Variants in SH3D19 observed in about 807,000 individuals in gnomAD.
SH3D19 encodes the protein SH3 domain-containing protein 19.
In SH3D19, 58 loss-of-function variants were observed where a neutral mutation model predicts 112.1. The ratio of observed to expected loss-of-function variants is 0.52; its 90% CI spans 0.42 to 0.64. The LOEUF is 0.64. SH3D19 is among the 30% of genes least tolerant of loss of function. The pLI is 0.00. For synonymous variants in SH3D19, 391 were observed against 448.5 expected, an observed-to-expected ratio of 0.87 and a Z score of 1.62; for missense variants, 1,090 against 1,263.4, an observed-to-expected ratio of 0.86 and a Z score of 2.08.
At chr4:151,219,072 G>T (rs1419095630) in intron 2 of SH3D19, among the ~76,000 whole-genome samples, 2 of 152,024 alleles carry the variant, frequency 1.3e-5, no homozygotes, top group Non-Finnish European at 2.9e-5. Context: ...ATTCAAACAG[G>T]GCTACTCTGA....
intron 1 of SH3D19, among the ~76,000 whole-genome samples, chr4:151,245,731 A>T (rs1056721931): frequency 4.6e-5 from 7 of 152,182 alleles, no homozygotes; most frequent in Non-Finnish European, 7.3e-5. Context: ...CCTCCTGAGT[A>T]GCTGGGATTA....
In SH3D19 at chr4:151,143,996, G is replaced by T. The variant is rs750099963; in HGVS notation, c.2137C>A (p.Gln713Lys). Residue 713 changes from glutamine (Q) to lysine (K), a missense_variant, in exon 12 of 20, where the codon CAA (glutamine) becomes AAA (lysine). Transcript: ENST00000604030. The stretch of plus-strand genomic sequence containing the variant: ...ACTCTGCCAGTGTCTTCTCCCTTTT[G>T]GCACTCCAAGTAATTATTTTCCGTC... Reference protein sequence around the residue: ...KQTENNYLECQKGEDTGRVHL... With the variant: ...KQTENNYLECKKGEDTGRVHL... 1.9e-6 allele frequency: 3 copies of T among 1,613,948 alleles called. No homozygotes were observed. The highest frequency in any genetic ancestry group is 1.7e-6 in the Non-Finnish European group (2 of 1,180,002).
intron 8 of SH3D19, among the ~76,000 whole-genome samples, chr4:151,159,652 T>G (rs1275749232): frequency 6.6e-6 from 1 of 152,332 alleles, no homozygotes; most frequent in East Asian, 1.9e-4. Context: ...TTTACATACA[T>G]TTCTCCAACC....
At chr4:151,289,948 T>A (rs1396584054) in intron 1 of SH3D19, among the ~76,000 whole-genome samples, 1 of 152,108 alleles carries the variant, frequency 6.6e-6, no homozygotes, top group Non-Finnish European at 1.5e-5. Context: ...ACACAAGTGT[T>A]CACAGCAGCA....
intron 1 of SH3D19, among the ~76,000 whole-genome samples, chr4:151,236,891 T>G (rs971180722): frequency 3.3e-5 from 5 of 152,182 alleles, no homozygotes; most frequent in African/African-American, 1.2e-4. Context: ...ATCAGCTCTC[T>G]GTAAAATGGA....
At chr4:151,196,407 C>G (rs903184911) in intron 2 of SH3D19, among the ~76,000 whole-genome samples, 4 of 151,938 alleles carry the variant, frequency 2.6e-5, no homozygotes, top group African/African-American at 9.7e-5. Flanking sequence ...CCAGCCTGGG[C>G]AACAGAGAAA....
intron 11 of SH3D19, among the ~76,000 whole-genome samples, chr4:151,146,576 A>G (rs1027493944): frequency 3.9e-5 from 6 of 152,230 alleles, no homozygotes; most frequent in Non-Finnish European, 8.8e-5. Context: ...ACTGTTGCCC[A>G]GGCTGGAGTG....
rs146331975 is a variant in SH3D19, at chr4:151,298,801, G to A, written c.112+26440C>T. Among the ~76,000 whole-genome samples, 307 of 152,104 alleles carry A rather than the reference G, an allele frequency of 2.0e-3. 6 individuals carry two copies. The highest frequency in any genetic ancestry group is 6.0e-4 in the Non-Finnish European group (41 of 68,000). On this transcript the variant is annotated intron_variant, in intron 1 of 19. Transcript: ENST00000604030. ...CTCCCAGAACATTATATATAATCAC[G>A]AAGCAGCCTATTCTAACCCCAGTAA...
chr4:151,283,398 G>A, intron 1 of SH3D19: 1 of 836,420 alleles, frequency 1.2e-6, no homozygotes, highest in South Asian at 1.7e-5. Flanking sequence ...AGGGTTCTAA[G>A]AATAACTCTT....
At chr4:151,300,932 A>G (rs1728351289) in intron 1 of SH3D19, among the ~76,000 whole-genome samples, 1 of 152,248 alleles carries the variant, frequency 6.6e-6, no homozygotes, top group Non-Finnish European at 1.5e-5. Flanking sequence ...TATGTAGGCA[A>G]TTGTGGTGAG....
chr4:151,313,952 G>A (rs2126382236), intron 1 of SH3D19, among the ~76,000 whole-genome samples: 1 of 152,322 alleles, frequency 6.6e-6, no homozygotes, highest in South Asian at 2.1e-4. Flanking sequence ...TTTATTGCCA[G>A]AAAAACTAAT....
In SH3D19 at chr4:151,165,641, T is replaced by C. The variant is rs1757881468; in HGVS notation, c.1590A>G (p.Pro530=). ...TTACAGTGGGCTTCCTGGTGGGTGCTGGTTGAACTGCTCGTTCTTTTATTG... is the reference window on the plus strand; with the variant it reads ...TTACAGTGGGCTTCCTGGTGGGTGCCGGTTGAACTGCTCGTTCTTTTATTG... The part of the protein sequence containing the change: ...TEPIKERAVQ[P]APTRKPTVIR... The change falls in exon 8 of 20, where the codon CCA becomes CCG. Residue 530 remains proline, a synonymous_variant. Coordinates refer to ENST00000604030, the MANE Select transcript of SH3D19 (RefSeq NM_001378122.1). The C allele has an allele frequency of 1.9e-6, 3 of 1,614,088 alleles. No individual in the cohort carries two copies. Among genetic ancestry groups the C allele is most frequent in the African/African-American group, 2.7e-5 (2 of 74,940 alleles).
At chr4:151,190,271 C>A (rs747493426) in intron 2 of SH3D19, among the ~76,000 whole-genome samples, 2 of 152,116 alleles carry the variant, frequency 1.3e-5, no homozygotes, top group African/African-American at 2.4e-5. Context: ...AAATTTGCAG[C>A]CTGACAATGT....
intron 1 of SH3D19, among the ~76,000 whole-genome samples, chr4:151,234,738 T>TGTGTTG (rs200910262): frequency 1.2e-5 from 1 of 84,108 alleles, no homozygotes; most frequent in African/African-American, 6.5e-5. Context: ...AGTTTGTGTT[T>TGTGTTG]TTTTTTTTTT....
chr4:151,244,417 G>A (rs564370593), intron 1 of SH3D19, among the ~76,000 whole-genome samples: 17 of 152,316 alleles, frequency 1.1e-4, no homozygotes, highest in African/African-American at 3.4e-4. Context: ...AATCTGCAAC[G>A]AAGTCGGGAA....
intron 1 of SH3D19, among the ~76,000 whole-genome samples, chr4:151,317,673 T>C (rs1037423389): frequency 1.3e-5 from 2 of 152,060 alleles, no homozygotes; most frequent in African/African-American, 4.8e-5. Context: ...CAGTGGACAA[T>C]AAAGAAAAGC....
At chr4:151,275,657 G>A (rs1457115943) in intron 1 of SH3D19, among the ~76,000 whole-genome samples, 2 of 146,662 alleles carry the variant, frequency 1.4e-5, no homozygotes, top group East Asian at 4.1e-4. Flanking sequence ...AGTAGCTGGG[G>A]ACTTCAGGTG....
At chr4:151,248,641 C>T (rs1771126164) in intron 1 of SH3D19, among the ~76,000 whole-genome samples, 1 of 152,108 alleles carries the variant, frequency 6.6e-6, no homozygotes, top group Non-Finnish European at 1.5e-5. Context: ...AATTCTTCCA[C>T]TGATAAAGGT....
chr4:151,184,311 A>G (rs1561300062), intron 3 of SH3D19, among the ~76,000 whole-genome samples: 1 of 152,212 alleles, frequency 6.6e-6, no homozygotes, highest in Non-Finnish European at 1.5e-5. Context: ...ACACATTTTA[A>G]TGGGCTGGCT....
Sources: gnomAD v4.1 joint callset for allele counts (sites outside exome capture counted in the v4.1 genomes callset) on GRCh38, gnomAD v4.1.1 for gene constraint, MANE v1.5 for transcripts, NCBI Gene and HGNC (gene_info 2026-07-23, HGNC 2026-07-21) for gene names.